HNRNPUL1: variants seen among roughly 807,000 people sequenced by gnomAD.
HNRNPUL1 encodes the protein heterogeneous nuclear ribonucleoprotein U-like protein 1.
A neutral mutation model predicts 108.5 loss-of-function variants in HNRNPUL1; 14 were observed. The observed-to-expected ratio is 0.13, with a 90% CI of 0.09 to 0.20. HNRNPUL1 has a LOEUF of 0.20. Among genes scored for constraint, HNRNPUL1 ranks in the 10% least tolerant of loss-of-function variants. The pLI is 1.00. For synonymous variants in HNRNPUL1, 422 were observed against 445.2 expected (o/e 0.95, Z 0.66); for missense variants, 804 against 1,168.3 (o/e 0.69, Z 4.55).
intron 4 of HNRNPUL1, 69 bp downstream of exon 4, chr19:41,274,124 C>T: frequency 7.9e-7 from 1 of 1,258,780 alleles, no homozygotes; most frequent in Non-Finnish European, 1.2e-6. Flanking sequence ...TCTTGACCTT[C>T]ACCAGAATCC....
In HNRNPUL1 at chr19:41,299,540, G is replaced by T. The variant is rs541043890; in HGVS notation, c.1519-1996G>T. Among the ~76,000 whole-genome samples, 21 of 152,282 alleles carry T rather than the reference G, an allele frequency of 1.4e-4. 1 individual carries two copies. The South Asian group carries it at 4.1e-3, about 30-fold the overall frequency. On this transcript the variant is annotated intron_variant, in intron 10 of 14. Transcript: ENST00000392006. ...GTCAGTCCTGTAGGTCTTATTTTCA[G>T]ATCCACTCTGGGTGTTGACTTTTCA...
At chr19:41,288,603 G>T (rs932609444) in intron 7 of HNRNPUL1, among the ~76,000 whole-genome samples, 10 of 152,122 alleles carry the variant, frequency 6.6e-5, no homozygotes, top group Admixed American at 5.2e-4. Flanking sequence ...TATATTGTCT[G>T]TAGTCATTGT....
chr19:41,295,833 C>T (rs186877754), intron 10 of HNRNPUL1, among the ~76,000 whole-genome samples: 2 of 152,150 alleles, frequency 1.3e-5, no homozygotes, highest in Non-Finnish European at 2.9e-5. Flanking sequence ...ACCGAGTTGC[C>T]TTCACATAGG....
At chr19:41,268,438 G>T (rs2034994785) in intron 2 of HNRNPUL1, 93 bp downstream of exon 2, 1 of 1,365,500 alleles carries the variant, frequency 7.3e-7, no homozygotes, top group Non-Finnish European at 9.9e-7. Context: ...CAGAGAAACT[G>T]TGCATCTTTT....
Position 41,275,828 on chromosome 19 carries a change from C to T in HNRNPUL1, c.647-331C>T, listed in dbSNP as rs1041641258. 3.5e-4 allele frequency among the ~76,000 whole-genome samples: 53 copies of T among 152,322 alleles called. No individual in the cohort carries two copies. In the Middle Eastern group the frequency reaches 0.01, roughly 29 times the overall value. ...CTTCTAAAACATCAGCCAGGCCGGG[C>T]GTGGTGGCTCACGCCTGTAATCCCA... On this transcript the variant is annotated intron_variant, in intron 4 of 14. Transcript: ENST00000392006.
At chr19:41,286,707 C>CTTTT (rs60441728) in intron 7 of HNRNPUL1, 13 of 74,172 alleles carry the variant, frequency 1.8e-4, no homozygotes, top group African/African-American at 3.9e-4. Flanking sequence ...GGTGTGTACT[C>CTTTT]TTTTTTTTTT....
intron 10 of HNRNPUL1, among the ~76,000 whole-genome samples, chr19:41,296,611 A>T (rs2036910652): frequency 6.6e-6 from 1 of 152,000 alleles, no homozygotes; most frequent in African/African-American, 2.4e-5. Flanking sequence ...GTTCCAGAAA[A>T]CTCTGGGTAT....
At chr19:41,273,673 C>T (rs1303476039) in intron 3 of HNRNPUL1, among the ~76,000 whole-genome samples, 6 of 152,162 alleles carry the variant, frequency 3.9e-5, no homozygotes, top group East Asian at 1.9e-4. Flanking sequence ...TGGTTGTCAA[C>T]ATGCAGAGGG....
chr19:41,280,784 C>G (rs1253905109), intron 6 of HNRNPUL1: 2 of 192,448 alleles, frequency 1.0e-5, no homozygotes, highest in East Asian at 1.2e-4. Flanking sequence ...CCAGCCCCTT[C>G]ACTGATTTCT....
chr19:41,267,991 G>A (rs182213618), intron 1 of HNRNPUL1: 4 of 385,302 alleles, frequency 1.0e-5, no homozygotes, highest in African/African-American at 6.3e-5. Context: ...TTAAATTTTT[G>A]TGTGTCTTTA....
chr19:41,264,991 G>C, intron 1 of HNRNPUL1, 193 bp downstream of exon 1: 1 of 1,395,140 alleles, frequency 7.2e-7, no homozygotes, highest in Non-Finnish European at 9.3e-7. Flanking sequence ...ACTCAGTGCA[G>C]GGGGGACACT....
chr19:41,281,254 C>T lies in HNRNPUL1; in HGVS notation c.978C>T (p.Asn326=), dbSNP rs750778968. ...FENYGDKFAE[N]DVIGCFADFE... ...ACTACGGAGACAAGTTTGCAGAGAA[C>T]GATGTGATTGGCTGCTTTGCGGTGA... The change falls in exon 7 of 15, where the codon AAC becomes AAT. Residue 326 remains asparagine, a synonymous_variant. Coordinates refer to ENST00000392006, the MANE Select transcript of HNRNPUL1 (RefSeq NM_007040.6). The T allele has an allele frequency of 1.2e-4, 197 of 1,613,534 alleles. No homozygotes were observed. Among genetic ancestry groups the T allele is most frequent in the Non-Finnish European group, 1.5e-4 (180 of 1,179,658 alleles).
intron 2 of HNRNPUL1, among the ~76,000 whole-genome samples, chr19:41,270,836 C>T (rs138663012): frequency 2.0e-5 from 3 of 152,208 alleles, no homozygotes; most frequent in African/African-American, 7.2e-5. Context: ...ACCTCATGAT[C>T]TGCCTGCCTC....
intron 3 of HNRNPUL1, 43 bp from the exon 4 acceptor site, chr19:41,273,939 C>A: frequency 6.9e-7 from 1 of 1,446,062 alleles, no homozygotes; most frequent in Non-Finnish European, 9.7e-7. Flanking sequence ...CCTTTGTGCT[C>A]ATCCATTGTT....
At chr19:41,270,057 A>C (rs1218064636) in intron 2 of HNRNPUL1, among the ~76,000 whole-genome samples, 1 of 151,454 alleles carries the variant, frequency 6.6e-6, no homozygotes, top group African/African-American at 2.4e-5. Flanking sequence ...ATCTCAGCTC[A>C]CTGCAACCTC....
chr19:41,282,393 G>T (rs1053071632), intron 7 of HNRNPUL1, among the ~76,000 whole-genome samples: 2 of 152,112 alleles, frequency 1.3e-5, no homozygotes, highest in African/African-American at 4.8e-5. Context: ...TGTTGGTCAG[G>T]CTGGTCTCGA....
At chr19:41,281,055 C>T (rs2035870667) in intron 6 of HNRNPUL1, 108 bp from the exon 7 acceptor site, 2 of 722,910 alleles carry the variant, frequency 2.8e-6, no homozygotes, top group Non-Finnish European at 2.4e-6. Flanking sequence ...ATTAATAAAA[C>T]TAGTAAAGAA....
chr19:41,266,949 G>A (rs144891386), intron 1 of HNRNPUL1, among the ~76,000 whole-genome samples: 1 of 152,318 alleles, frequency 6.6e-6, no homozygotes, highest in Admixed American at 6.5e-5. Flanking sequence ...TGGCAGGAAT[G>A]CCTAGCAAGA....
At chr19:41,288,132 C>A (rs560198762) in intron 7 of HNRNPUL1, among the ~76,000 whole-genome samples, 1 of 149,550 alleles carries the variant, frequency 6.7e-6, no homozygotes, top group South Asian at 2.1e-4. Flanking sequence ...AGACACCCCC[C>A]CTCCCGCCCC....
Sources: gnomAD v4.1 joint callset for allele counts (sites outside exome capture counted in the v4.1 genomes callset) on GRCh38, gnomAD v4.1.1 for gene constraint, MANE v1.5 for transcripts, NCBI Gene and HGNC (gene_info 2026-07-23, HGNC 2026-07-21) for gene names.